SFMBT2: variants seen among roughly 807,000 people sequenced by gnomAD.
SFMBT2 encodes Scm like with four mbt domains 2.
A neutral mutation model predicts 110.1 loss-of-function variants in SFMBT2; 38 were observed. That is an observed-to-expected ratio of 0.35 (90% CI 0.27 to 0.45). The LOEUF (loss-of-function observed/expected upper bound fraction) is 0.45, where lower values mean the gene tolerates loss of function less well. SFMBT2 is among the 20% of genes least tolerant of loss of function. SFMBT2 has a pLI of 1.00. For missense variants in SFMBT2, 1,011 were observed against 1,094.9 expected, an observed-to-expected ratio of 0.92 and a Z score of 1.08; for synonymous variants, 425 against 425.4, an observed-to-expected ratio of 1.00 and a Z score of 0.01.
intron 4 of SFMBT2, among the ~76,000 whole-genome samples, chr10:7,310,608 G>T (rs560699138): frequency 6.6e-6 from 1 of 152,302 alleles, no homozygotes; most frequent in African/African-American, 2.4e-5. Flanking sequence ...GGCAAAGTCT[G>T]TCTGATTTTT....
intron 4 of SFMBT2, 49 bp from the exon 5 acceptor site, chr10:7,286,003 T>C: frequency 1.2e-6 from 1 of 829,070 alleles, no homozygotes. Flanking sequence ...AAAAAAACAC[T>C]TCAACACAGC....
At chr10:7,238,014 C>G (rs1840311174) in intron 9 of SFMBT2, among the ~76,000 whole-genome samples, 1 of 152,164 alleles carries the variant, frequency 6.6e-6, no homozygotes, top group Non-Finnish European at 1.5e-5. Flanking sequence ...GGAGATGACG[C>G]TGGACAGGGC....
rs1837827770 is a variant in SFMBT2 at position 7,170,161 on chromosome 10, G to A, written c.2544+767C>T. 6.6e-6 allele frequency among the ~76,000 whole-genome samples: 1 copy of A among 152,160 alleles called. No homozygotes were observed. The highest frequency in any genetic ancestry group is 6.5e-5 in the Admixed American group (1 of 15,286). Reference sequence around the variant, plus strand: ...GGAGAAAGGAGGGCAGACCGGCTAGGGGCCTGGGCCCCCAGCTGACAGCAC... The same window carrying A: ...GGAGAAAGGAGGGCAGACCGGCTAGAGGCCTGGGCCCCCAGCTGACAGCAC... On this transcript the variant is annotated intron_variant, in intron 20 of 20. Transcript: ENST00000397167. This position sits in a 1 kb window ranked among gnomAD's most constrained non-coding sequence, Gnocchi z 4.6.
intron 15 of SFMBT2, among the ~76,000 whole-genome samples, chr10:7,194,796 G>GA (rs1170200980): frequency 2.0e-5 from 3 of 152,158 alleles, no homozygotes; most frequent in African/African-American, 7.2e-5. Flanking sequence ...TTTGTCATTA[G>GA]AAAACTGCTC....
At chr10:7,191,297 C>T (rs988822628) in intron 15 of SFMBT2, among the ~76,000 whole-genome samples, 5 of 152,184 alleles carry the variant, frequency 3.3e-5, no homozygotes, top group African/African-American at 4.8e-5. Context: ...CCACAATGTC[C>T]CTGAAACTGT....
At chr10:7,308,317 A>G (rs1040467477) in intron 4 of SFMBT2, among the ~76,000 whole-genome samples, 2 of 152,184 alleles carry the variant, frequency 1.3e-5, no homozygotes, top group Non-Finnish European at 2.9e-5. Context: ...CTATAATTGC[A>G]CCACTGCACT....
At chr10:7,388,180 T>C (rs1011301936) in intron 1 of SFMBT2, among the ~76,000 whole-genome samples, 1 of 151,480 alleles carries the variant, frequency 6.6e-6, no homozygotes, top group Non-Finnish European at 1.5e-5. Context: ...AACAAAAAAT[T>C]CCTGCCCTGG....
Position 7,293,122 on chromosome 10 carries a change from C to G in SFMBT2, c.437-7168G>C, listed in dbSNP as rs1842309251. Among the ~76,000 whole-genome samples, 1 of 152,100 alleles carries G rather than the reference C, an allele frequency of 6.6e-6. No homozygotes were observed. The highest frequency in any genetic ancestry group is 1.5e-5 in the Non-Finnish European group (1 of 68,004). ...GGAATGCAGTGGCGCGATCTCGACT[C>G]ACTGCAACCTCCACCTCCTGGGTTC... On this transcript the variant is annotated intron_variant, in intron 4 of 20. Transcript: ENST00000397167. This position sits in a 1 kb window ranked among gnomAD's most constrained non-coding sequence, Gnocchi z 4.6.
chr10:7,348,993 T>A (rs1375380145), intron 4 of SFMBT2, among the ~76,000 whole-genome samples: 2 of 152,176 alleles, frequency 1.3e-5, no homozygotes, highest in East Asian at 3.9e-4. Context: ...GAGAGAGTCC[T>A]GGTCACAGAG....
chr10:7,292,400 T>A (rs1028785941), intron 4 of SFMBT2: 15 of 167,352 alleles, frequency 9.0e-5, no homozygotes, highest in African/African-American at 3.3e-4. Context: ...TCATATAAGG[T>A]TCAAATTAGA....
At chr10:7,208,453 G>A (rs1180608112) in intron 11 of SFMBT2, among the ~76,000 whole-genome samples, 6 of 152,140 alleles carry the variant, frequency 3.9e-5, no homozygotes, top group African/African-American at 9.7e-5. Flanking sequence ...GGGAGGCTGA[G>A]GCGGGCGGAT....
chr10:7,246,544 C>T (rs1412639852), intron 8 of SFMBT2, among the ~76,000 whole-genome samples: 1 of 151,740 alleles, frequency 6.6e-6, no homozygotes, highest in Non-Finnish European at 1.5e-5. Flanking sequence ...GACGGTGAAA[C>T]CCCATCTCCA....
At position 7,221,934 on chromosome 10, in the gene SFMBT2, C is replaced by T. The variant is rs60828367; in HGVS notation, c.1204-1397G>A. On this transcript the variant is annotated intron_variant, in intron 10 of 20. Transcript: ENST00000397167. ...TGGGGACCTTTGGTAATTAGTCCCT[C>T]CAAAGCACTCAGTTCCTGGCAACCA... is the stretch of plus-strand genomic sequence containing the variant. Among the ~76,000 whole-genome samples the T allele has an allele frequency of 4.0e-3, 602 of 152,280 alleles. 3 individuals carry two copies. The highest frequency in any genetic ancestry group is 0.014 in the African/African-American group (592 of 41,550).
chr10:7,272,455 T>A (rs1440309104), intron 7 of SFMBT2, among the ~76,000 whole-genome samples: 1 of 152,156 alleles, frequency 6.6e-6, no homozygotes, highest in African/African-American at 2.4e-5. Flanking sequence ...TCCCACCAGA[T>A]ATGTCCGAAA....
chr10:7,198,606 C>T (rs910203280), intron 14 of SFMBT2, among the ~76,000 whole-genome samples: 3 of 152,224 alleles, frequency 2.0e-5, no homozygotes, highest in Non-Finnish European at 4.4e-5. Context: ...AGTCTGAAGA[C>T]GGTGAAGTAG....
chr10:7,240,974 G>T (rs1229648294), intron 9 of SFMBT2, among the ~76,000 whole-genome samples: 1 of 152,006 alleles, frequency 6.6e-6, no homozygotes, highest in Non-Finnish European at 1.5e-5. Flanking sequence ...ATCTTGAATT[G>T]TAACTCCCAC....
chr10:7,297,887 G>A (rs543178740), intron 4 of SFMBT2, among the ~76,000 whole-genome samples: 3 of 152,296 alleles, frequency 2.0e-5, no homozygotes, highest in South Asian at 4.1e-4. Flanking sequence ...TCTGCAATCC[G>A]TGTCTGCCTC....
chr10:7,215,287 T>C (rs2497447), intron 11 of SFMBT2, among the ~76,000 whole-genome samples: 149,705 of 152,238 alleles, frequency 0.98, 73,647 homozygotes, highest in Middle Eastern at 1. Context: ...TGCCTGAAGT[T>C]CCAGCTACTC....
intron 1 of SFMBT2, among the ~76,000 whole-genome samples, chr10:7,387,492 T>C (rs951677885): frequency 1.3e-5 from 2 of 151,474 alleles, no homozygotes; most frequent in African/African-American, 4.9e-5. Context: ...CCACCAAGAA[T>C]GTACCTGGAA....
Sources: gnomAD v4.1 joint callset for allele counts (sites outside exome capture counted in the v4.1 genomes callset) on GRCh38, gnomAD v4.1.1 for gene constraint, Gnocchi (gnomAD v3.1) non-coding constraint, MANE v1.5 for transcripts, NCBI Gene and HGNC (gene_info 2026-07-23, HGNC 2026-07-21) for gene names.